Variants in DCTD observed in about 807,000 individuals in gnomAD.
DCTD encodes the protein dCMP deaminase, also known as deoxycytidylate deaminase.
A neutral mutation model predicts 21.0 loss-of-function variants in DCTD; 23 were observed. That is an observed-to-expected ratio of 1.09 (90% CI 0.79 to 1.55). The LOEUF is 1.55. DCTD is among the 40% of genes most tolerant of loss of function. The pLI is 0.00. For synonymous variants in DCTD, 71 were observed against 81.1 expected, an observed-to-expected ratio of 0.88 and a Z score of 0.67; for missense variants, 224 against 230.0, an observed-to-expected ratio of 0.97 and a Z score of 0.17.
chr4:182,906,263 C>T (rs75790589), intron 3 of DCTD, among the ~76,000 whole-genome samples: 1,826 of 152,060 alleles, frequency 0.012, 10 homozygotes, highest in Non-Finnish European at 0.018. Context: ...CTGGCAGATT[C>T]GGGGTCTGGT....
chr4:182,913,304 G>A lies in DCTD; in HGVS notation c.244+1619C>T, dbSNP rs1054337799. Among the ~76,000 whole-genome samples the A allele has an allele frequency of 5.3e-5, 8 of 152,302 alleles. No homozygotes were observed. The East Asian group carries it at 1.5e-3, about 29-fold the overall frequency. On this transcript the variant is annotated intron_variant, in intron 3 of 5. Coordinates refer to ENST00000438320, the MANE Select transcript of DCTD (RefSeq NM_001921.3). ...TCTTCCCACTCCGACGAGGGAGGGT[G>A]AGGTTAAATCAAGGATCTGAGGATT...
chr4:182,894,206 A>C (rs775069607), intron 4 of DCTD, among the ~76,000 whole-genome samples: 12 of 151,468 alleles, frequency 7.9e-5, no homozygotes, highest in African/African-American at 2.5e-5. Context: ...GAGAACAGTA[A>C]ATTGACAGTA....
chr4:182,913,973 C>CT (rs34709418), intron 3 of DCTD, among the ~76,000 whole-genome samples: 7,611 of 152,040 alleles, frequency 0.05, 278 homozygotes, highest in South Asian at 0.1. Context: ...CTAGCTTTTT[C>CT]TTTTCTTTGT....
intron 3 of DCTD, among the ~76,000 whole-genome samples, chr4:182,910,336 C>T (rs1737455338): frequency 1.3e-5 from 2 of 152,210 alleles, no homozygotes. Context: ...CTCCAACTCT[C>T]TAATTTGTAA....
intron 4 of DCTD, among the ~76,000 whole-genome samples, chr4:182,893,650 G>A (rs926309665): frequency 2.6e-5 from 4 of 152,256 alleles, no homozygotes; most frequent in Admixed American, 6.5e-5. Flanking sequence ...ACTGAAGGCC[G>A]CTGCTCCATC....
rs569383439 is a variant in DCTD, at chr4:182,917,360, C to A, written c.-57G>T. 14 of 1,092,998 alleles carry A rather than the reference C, an allele frequency of 1.3e-5. No homozygotes were observed. Among genetic ancestry groups the A allele is most frequent in the Non-Finnish European group, 1.4e-5 (13 of 899,948 alleles). 67.7% of individuals were successfully genotyped at this position (1,092,998 alleles called of 1,614,324 possible). A position where few individuals can be genotyped will look rare whatever the true frequency, so the allele number is the denominator to read the frequency against. The stretch of plus-strand genomic sequence containing the variant: ...GGCCGGTGCTCGTCCCCGCCGCCGC[C>A]GTGCTCAGGGAAGGAAGTCGGGGGA... On this transcript the variant is annotated 5_prime_UTR_variant, in exon 1 of 6. Coordinates refer to ENST00000438320, the MANE Select transcript of DCTD (RefSeq NM_001921.3). The surrounding 1 kb of genome is among the most constrained non-coding windows in gnomAD (Gnocchi z 4.9).
intron 3 of DCTD, among the ~76,000 whole-genome samples, chr4:182,899,297 T>A (rs912070870): frequency 2.6e-5 from 4 of 152,254 alleles, no homozygotes; most frequent in African/African-American, 9.6e-5. Flanking sequence ...CTTTCTGCTT[T>A]ACTTTTCTGT....
chr4:182,909,585 A>T (rs960162746), intron 3 of DCTD, among the ~76,000 whole-genome samples: 3 of 152,230 alleles, frequency 2.0e-5, no homozygotes, highest in Admixed American at 6.5e-5. Flanking sequence ...GGACTGACTA[A>T]CGAAACCAGA....
chr4:182,914,875 T>C (rs746034780), intron 3 of DCTD, 48 bp downstream of exon 3: 1 of 1,608,052 alleles, frequency 6.2e-7, no homozygotes, highest in Non-Finnish European at 8.5e-7. Context: ...AATTAGGCAC[T>C]CACCAGGCTA....
intron 4 of DCTD, among the ~76,000 whole-genome samples, chr4:182,893,531 T>C (rs1031773478): frequency 2.0e-5 from 3 of 152,228 alleles, no homozygotes; most frequent in Admixed American, 6.5e-5. Flanking sequence ...CTTCCCAGCA[T>C]GGCTTTGCAG....
upstream of DCTD, chr4:182,917,441 C>G (rs906903246): frequency 2.5e-6 from 2 of 791,622 alleles, no homozygotes; most frequent in Non-Finnish European, 3.1e-6. The surrounding 1 kb of genome is among the most constrained non-coding windows in gnomAD (Gnocchi z 4.9). Flanking sequence ...GCCGCGCGTT[C>G]GCAGGACGGC....
At chr4:182,895,799 T>C (rs114531456) in intron 3 of DCTD, among the ~76,000 whole-genome samples, 2,451 of 152,298 alleles carry the variant, frequency 0.016, 64 homozygotes, top group African/African-American at 0.056. Flanking sequence ...GCTTCCAAAA[T>C]ACAGAGATCT....
In DCTD at chr4:182,906,817, T is replaced by C. The variant is rs541001774; in HGVS notation, c.244+8106A>G. 1.9e-3 allele frequency among the ~76,000 whole-genome samples: 282 copies of C among 152,356 alleles called. 2 individuals carry two copies. The highest frequency in any genetic ancestry group is 6.5e-3 in the African/African-American group (272 of 41,572). ...TATTTTAAATTTACTATGGCATCTA[T>C]CATTTGAAAGAAGCACAGAGAAAAT... On this transcript the variant is annotated intron_variant, in intron 3 of 5. Transcript: ENST00000438320.
At chr4:182,900,680 A>G (rs2152857741) in intron 3 of DCTD, among the ~76,000 whole-genome samples, 1 of 152,334 alleles carries the variant, frequency 6.6e-6, no homozygotes, top group East Asian at 1.9e-4. Flanking sequence ...TAAATCTGCA[A>G]ACAGTACATA....
chr4:182,914,977 C>A lies in DCTD; in HGVS notation c.190G>T (p.Val64Leu). 1 of 1,614,208 alleles carries A rather than the reference C, an allele frequency of 6.2e-7. No individual in the cohort carries two copies. Among genetic ancestry groups the A allele is most frequent in the East Asian group, 2.2e-5 (1 of 44,882 alleles). ...TCTGCTGTCCTTCTCCAAGGCAACACGTCATCACTGCACCCATTTGGCATC... is the reference window on the plus strand; with the variant it reads ...TCTGCTGTCCTTCTCCAAGGCAACAAGTCATCACTGCACCCATTTGGCATC... Reference protein sequence around the residue: ...NGMPNGCSDDVLPWRRTAENK... With the variant: ...NGMPNGCSDDLLPWRRTAENK... The change falls in exon 3 of 6, where the codon GTG (valine) becomes TTG (leucine). Residue 64 changes from valine (V) to leucine (L), a missense_variant. Coordinates refer to ENST00000438320, the MANE Select transcript of DCTD (RefSeq NM_001921.3).
intron 5 of DCTD, among the ~76,000 whole-genome samples, chr4:182,892,644 A>T (rs1037970613): frequency 2.6e-5 from 4 of 152,090 alleles, no homozygotes; most frequent in Non-Finnish European, 5.9e-5. Flanking sequence ...AAAAGAGAGA[A>T]TCCCCAATGT....
chr4:182,915,134 A>G (rs1738486343), intron 2 of DCTD, 76 bp from the exon 3 acceptor site: 24 of 1,580,394 alleles, frequency 1.5e-5, no homozygotes, highest in Non-Finnish European at 2.0e-5. Context: ...GAATAAAACC[A>G]GGGGGACTGC....
intron 3 of DCTD, among the ~76,000 whole-genome samples, chr4:182,912,404 T>C (rs1295035003): frequency 1.3e-5 from 2 of 152,160 alleles, no homozygotes; most frequent in African/African-American, 4.8e-5. Flanking sequence ...AATTACAAGC[T>C]TACTCTCGTG....
At position 182,915,495 on chromosome 4, in the gene DCTD, A is replaced by T; in HGVS notation, c.74T>A (p.Leu25Ter). 6.2e-7 allele frequency: 1 copy of T among 1,613,262 alleles called. No individual in the cohort carries two copies. The change falls in exon 2 of 6, where the codon TTA becomes TAA. Residue 25 changes from leucine (L) to a stop codon, truncating the protein, a stop_gained. Coordinates refer to ENST00000438320, the MANE Select transcript of DCTD (RefSeq NM_001921.3). LOFTEE classifies it high-confidence loss of function. ...WPEYFMAVAF[L>*]SAQRSKDPNS... ...TGGATCTTTGCTTCTCTGTGCTGAT[A>T]AGAAGGCCACAGCCATAAAATACTC...
Sources: allele counts gnomAD v4.1 joint callset (sites outside exome capture counted in the v4.1 genomes callset), GRCh38; gene constraint gnomAD v4.1.1; non-coding constraint Gnocchi (gnomAD v3.1); transcripts MANE v1.5; gene names NCBI Gene and HGNC (gene_info 2026-07-23, HGNC 2026-07-21).